The following DNMBP variants were observed in gnomAD, a reference collection of about 807,000 sequenced individuals.
The protein encoded by DNMBP is dynamin-binding protein.
DNMBP carries 87 observed loss-of-function variants against 150.0 expected under a neutral mutation model. The observed-to-expected ratio is 0.58, with a 90% CI of 0.49 to 0.69. The LOEUF is 0.69. Ranked by LOEUF, DNMBP falls within the 30% of genes least tolerant of loss-of-function variation. DNMBP has a pLI of 0.00. For synonymous variants in DNMBP, 711 were observed against 750.4 expected (o/e 0.95, Z 0.86); for missense variants, 1,774 against 1,949.0 (o/e 0.91, Z 1.69).
chr10:99,944,451 A>G (rs961416514), intron 4 of DNMBP, among the ~76,000 whole-genome samples: 11 of 152,212 alleles, frequency 7.2e-5, no homozygotes, highest in Admixed American at 2.0e-4. Context: ...TGAAAGTCTG[A>G]GAACTACCTC....
chr10:99,899,507 C>G (rs966410403), intron 7 of DNMBP, among the ~76,000 whole-genome samples: 1 of 151,382 alleles, frequency 6.6e-6, no homozygotes, highest in Non-Finnish European at 1.5e-5. Context: ...GAGCCTAAGG[C>G]GGGAGAATCG....
In DNMBP at chr10:99,879,945, G is replaced by A. The variant is rs781603800; in HGVS notation, c.4414C>T (p.Pro1472Ser). Residue 1472 changes from proline to serine, a missense_variant, in exon 16 of 17, where the codon CCA becomes TCA. Pro to Ser is a moderately conservative substitution (Grantham distance 74). This residue lies in a region of DNMBP where 1,430 missense variants were observed against 1,492.5 expected (regional missense o/e 0.96). Transcript: ENST00000324109. ...GGTACGGAGTAGCCAACTATTTCTG[G>A]ATGCCTGAAGTTCCGGTAGCTCCTC... is the stretch of plus-strand genomic sequence containing the variant. ...TPRSYRNFRH[P>S]EIVGYSVPGR... 13 of 1,614,204 alleles carry A rather than the reference G, an allele frequency of 8.1e-6. No homozygotes were observed. The South Asian group carries it at 1.4e-4, about 18-fold the overall frequency.
Position 99,880,098 on chromosome 10 carries a change from A to G in DNMBP, c.4261T>C (p.Ser1421Pro). 6.2e-7 allele frequency: 1 copy of G among 1,614,148 alleles called. No individual in the cohort carries two copies. The highest frequency in any genetic ancestry group is 2.2e-5 in the East Asian group (1 of 44,874). Residue 1421 changes from serine to proline, a missense_variant, in exon 16 of 17, where the codon TCC becomes CCC. Coordinates refer to ENST00000324109, the MANE Select transcript of DNMBP (RefSeq NM_015221.4). Reference protein sequence around the residue: ...KECDQGTLSASLNPSNSESSP... With the variant: ...KECDQGTLSAPLNPSNSESSP... ...CTCTCTGAATTACTCGGATTTAGGGATGCACTGAGAGTTCCTTGGTCACAT... is the reference window on the plus strand; with the variant it reads ...CTCTCTGAATTACTCGGATTTAGGGGTGCACTGAGAGTTCCTTGGTCACAT...
At chr10:99,964,646 G>A (rs541650029) in intron 3 of DNMBP, among the ~76,000 whole-genome samples, 6 of 151,624 alleles carry the variant, frequency 4.0e-5, no homozygotes, top group African/African-American at 1.2e-4. Flanking sequence ...CGAGGCAGGC[G>A]GATTGCTTGA....
chr10:99,911,902 T>C (rs2039904767), intron 4 of DNMBP, among the ~76,000 whole-genome samples: 3 of 152,190 alleles, frequency 2.0e-5, no homozygotes, highest in African/African-American at 7.2e-5. Flanking sequence ...GCAACAGACT[T>C]TCAATCCCAA....
intron 14 of DNMBP, 145 bp downstream of exon 14, chr10:99,885,542 C>T (rs1459879005): frequency 1.3e-6 from 1 of 781,646 alleles, no homozygotes; most frequent in Admixed American, 3.1e-5. Context: ...ATGCATGAGC[C>T]CATGATGGGT....
At chr10:99,893,322 A>G (rs1427927608) in intron 11 of DNMBP, among the ~76,000 whole-genome samples, 1 of 152,268 alleles carries the variant, frequency 6.6e-6, no homozygotes, top group African/African-American at 2.4e-5. Flanking sequence ...CCACAAGGAT[A>G]TTCCTTGTAT....
In DNMBP at chr10:99,875,630, A is replaced by G. The variant is rs752826348; in HGVS notation, c.*1521T>C. 1.2e-4 allele frequency: 18 copies of G among 152,380 alleles called. No individual in the cohort carries two copies. Among genetic ancestry groups the G allele is most frequent in the Admixed American group, 3.9e-4 (6 of 15,310 alleles). 9.4% of individuals were successfully genotyped at this position (152,380 alleles called of 1,614,324 possible). A position where few individuals can be genotyped will look rare whatever the true frequency, so the allele number is the denominator to read the frequency against. On this transcript the variant is annotated 3_prime_UTR_variant, in exon 17 of 17. Transcript: ENST00000324109. ...GAACTACTTAAATATAAACATCTCT[A>G]CATAGAAACACTCTTCACAAAAGGA... is the stretch of plus-strand genomic sequence containing the variant.
intron 4 of DNMBP, chr10:99,930,420 G>A (rs896798144): frequency 1.7e-5 from 12 of 702,728 alleles, no homozygotes; most frequent in Middle Eastern, 2.3e-4. Flanking sequence ...ATTATCCTTC[G>A]TCCCAGGGCT....
intron 4 of DNMBP, among the ~76,000 whole-genome samples, chr10:99,934,468 T>TGTGACTG: frequency 7.0e-6 from 1 of 141,920 alleles, no homozygotes; most frequent in Non-Finnish European, 1.5e-5. Flanking sequence ...AGGGGAAAGT[T>TGTGACTG]GTGACTGGAT....
rs574797079 is a variant in DNMBP, at chr10:99,997,962, C to T, written c.-11+11876G>A. 2.1e-3 allele frequency among the ~76,000 whole-genome samples: 284 copies of T among 134,252 alleles called. 8 individuals carry two copies. Among genetic ancestry groups the T allele is most frequent in the African/African-American group, 8.0e-3 (272 of 34,124 alleles). The allele number at this position is 134,252 out of a possible 152,430, so 88.1% of individuals were successfully genotyped here. On this transcript the variant is annotated intron_variant, in intron 1 of 16. Coordinates refer to ENST00000324109, the MANE Select transcript of DNMBP (RefSeq NM_015221.4). ...AAAAAAAAAAAAAAAAAGCTGGACG[C>T]GGTGGCTCACACCTGTAATCCCCAG...
intron 12 of DNMBP, 121 bp downstream of exon 12, chr10:99,888,704 C>T: frequency 8.4e-7 from 1 of 1,184,992 alleles, no homozygotes; most frequent in Non-Finnish European, 1.2e-6. Context: ...ATGAATATAG[C>T]TAAAGGATGA....
intron 4 of DNMBP, among the ~76,000 whole-genome samples, chr10:99,954,331 C>A (rs987587228): frequency 5.9e-5 from 9 of 152,054 alleles, no homozygotes; most frequent in Admixed American, 2.6e-4. Context: ...AGCCACCGCA[C>A]CCGGCAAGGT....
rs112595096 is a variant in DNMBP, at chr10:99,910,290, C to T, written c.2261-1144G>A. Among the ~76,000 whole-genome samples, 1,011 of 152,344 alleles carry T rather than the reference C, an allele frequency of 6.6e-3. 9 individuals carry two copies. Among genetic ancestry groups the T allele is most frequent in the Middle Eastern group, 0.024 (7 of 294 alleles). ...GGTGCAGTGGCTCACGCCCATGATC[C>T]CAGCACTTTGGGAGGCCAAGGCTGG... On this transcript the variant is annotated intron_variant, in intron 4 of 16. Transcript: ENST00000324109.
intron 12 of DNMBP, among the ~76,000 whole-genome samples, chr10:99,886,990 T>G (rs1249114727): frequency 6.6e-6 from 1 of 152,190 alleles, no homozygotes; most frequent in Non-Finnish European, 1.5e-5. Context: ...TGTGTACATG[T>G]CTACATAGCT....
At chr10:99,971,531 C>T (rs2040676875) in intron 2 of DNMBP, among the ~76,000 whole-genome samples, 1 of 150,088 alleles carries the variant, frequency 6.7e-6, no homozygotes. Flanking sequence ...TATTTATTTA[C>T]TTATTTAGAG....
intron 11 of DNMBP, among the ~76,000 whole-genome samples, chr10:99,893,040 T>C (rs2039597095): frequency 6.6e-6 from 1 of 152,178 alleles, no homozygotes; most frequent in Non-Finnish European, 1.5e-5. Context: ...TATAATGATA[T>C]AGACATATAA....
rs189875076 is a variant in DNMBP at position 99,914,027 on chromosome 10, G to C, written c.2261-4881C>G. ...GCAGGCGGGACAGAATCTTCCCAGA[G>C]CTCTGGAATGCTCCACAACCCCCCA... is the stretch of plus-strand genomic sequence containing the variant. On this transcript the variant is annotated intron_variant, in intron 4 of 16. Coordinates refer to ENST00000324109, the MANE Select transcript of DNMBP (RefSeq NM_015221.4). 3 of 1,503,416 alleles carry C rather than the reference G, an allele frequency of 2.0e-6. No individual in the cohort carries two copies. In the East Asian group the frequency reaches 8.0e-5, roughly 40 times the overall value. 93.1% of individuals were successfully genotyped at this position (1,503,416 alleles called of 1,614,324 possible).
rs2039679485 is a variant in DNMBP at position 99,897,919 on chromosome 10, AAT to A, written c.2920+165_2920+166del. The A allele has an allele frequency of 2.0e-5, 13 of 638,186 alleles. No homozygotes were observed. The East Asian group carries it at 3.6e-4, about 18-fold the overall frequency. The allele number at this position is 638,186 out of a possible 1,614,324, so 39.5% of individuals were successfully genotyped here. A position where few individuals can be genotyped will look rare whatever the true frequency, so the allele number is the denominator to read the frequency against. The stretch of plus-strand genomic sequence containing the variant: ...CAGAGCAAGACTCTGTCTCAAAAAA[AAT>A]AATAATAAAATATCATATTTCCCCC... On this transcript the variant is annotated intron_variant, in intron 9 of 16. Transcript: ENST00000324109.
Sources: allele counts gnomAD v4.1 joint callset (sites outside exome capture counted in the v4.1 genomes callset), GRCh38; gene constraint gnomAD v4.1.1; regional missense constraint gnomAD v4.1.1; transcripts MANE v1.5; gene names NCBI Gene and HGNC (gene_info 2026-07-23, HGNC 2026-07-21).